TEX14: variants seen among roughly 807,000 people sequenced by gnomAD.
TEX14 encodes inactive serine/threonine-protein kinase TEX14.
In TEX14, 168 loss-of-function variants were observed where a neutral mutation model predicts 178.6. That is an observed-to-expected ratio of 0.94 (90% confidence interval 0.83 to 1.07). The LOEUF (loss-of-function observed/expected upper bound fraction) is 1.07, where lower values mean the gene tolerates loss of function less well. Among genes scored for constraint, TEX14 ranks in the 50% least tolerant of loss-of-function variants. The probability of loss-of-function intolerance (pLI) is 0.00; values close to 1 mark genes in which losing one functional copy is unlikely to be tolerated. For synonymous variants in TEX14, 626 were observed against 634.1 expected, an observed-to-expected ratio of 0.99 and a Z score of 0.19; for missense variants, 1,730 against 1,753.6, an observed-to-expected ratio of 0.99 and a Z score of 0.24.
intron 28 of TEX14, among the ~76,000 whole-genome samples, chr17:58,563,621 TTATATATATATATA>T (rs3034889): frequency 0.12 from 5,660 of 46,460 alleles, 348 homozygotes; most frequent in Non-Finnish European, 0.13. Context: ...CATCTCTAAT[TTATATATATATATA>T]TATATATATA....
intron 11 of TEX14, among the ~76,000 whole-genome samples, chr17:58,604,186 G>C (rs1398975115): frequency 6.6e-6 from 1 of 151,276 alleles, no homozygotes; most frequent in Non-Finnish European, 1.5e-5. Context: ...TAAAAAGTTT[G>C]CTTCGGCCGG....
intron 14 of TEX14, among the ~76,000 whole-genome samples, chr17:58,594,113 G>A (rs745882517): frequency 1.6e-4 from 24 of 152,158 alleles, no homozygotes; most frequent in East Asian, 3.9e-4. Flanking sequence ...GATTACAGGC[G>A]TGAGCCACTG....
intron 2 of TEX14, 65 bp from the exon 3 acceptor site, chr17:58,630,619 G>C (rs1333442528): frequency 9.1e-7 from 1 of 1,100,582 alleles, no homozygotes; most frequent in Admixed American, 1.9e-5. Flanking sequence ...ACTGGGTAGG[G>C]GGTGGGGGAA....
intron 23 of TEX14, 37 bp from the exon 24 acceptor site, chr17:58,572,163 TTTATA>T (rs770367268): frequency 1.8e-5 from 26 of 1,451,194 alleles, no homozygotes; most frequent in Non-Finnish European, 2.5e-5. Context: ...GTCTGAATCC[TTTATA>T]TTATTTCTCC....
chr17:58,644,979 T>A (rs1387429044), intron 2 of TEX14, among the ~76,000 whole-genome samples: 4 of 149,978 alleles, frequency 2.7e-5, no homozygotes, highest in Non-Finnish European at 3.0e-5. Flanking sequence ...TATTCTTTTT[T>A]TTTTCTTAAC....
At chr17:58,675,477 T>C (rs1437275734) in intron 1 of TEX14, 3 of 153,004 alleles carry the variant, frequency 2.0e-5, no homozygotes, top group African/African-American at 7.2e-5. Context: ...GTTCTAAGTG[T>C]CATCTTTTGT....
In TEX14 at chr17:58,630,489, G is replaced by C; in HGVS notation, c.202C>G (p.Leu68Val). Residue 68 changes from leucine (L) to valine (V), a missense_variant, in exon 3 of 32, where the codon CTT (leucine) becomes GTT (valine). Physicochemically the swap from Leu to Val is conservative, Grantham distance 32. Around this residue, in one of 2 missense-constraint regions of TEX14, gnomAD observed 789 missense variants for 681.2 expected, o/e 1.16. Coordinates refer to ENST00000349033, the MANE Select transcript of TEX14 (RefSeq NM_031272.5). ...ACCAGAACATCAACGAATTTCCTAA[G>C]GCCCAATAACGCCGCAACAAAAAGT... ...TALFVAALLG[L>V]RKFVDVLVDY... is the part of the protein sequence containing the mutation. 6.2e-7 allele frequency: 1 copy of C among 1,613,966 alleles called. No homozygotes were observed. The highest frequency in any genetic ancestry group is 8.5e-7 in the Non-Finnish European group (1 of 1,179,946).
At position 58,586,065 on chromosome 17, in the gene TEX14, C is replaced by T; in HGVS notation, c.2806G>A (p.Ala936Thr). 1.2e-6 allele frequency: 2 copies of T among 1,612,522 alleles called. No individual in the cohort carries two copies. Among genetic ancestry groups the T allele is most frequent in the Non-Finnish European group, 1.7e-6 (2 of 1,178,750 alleles). ...LKWKMEVKEMAKKAATGQLTV... is the reference protein window; with the variant it reads ...LKWKMEVKEMTKKAATGQLTV... ...AGCTGTCCAGTAGCTGCTTTCTTTG[C>T]CATTTCTTTCACCTCCACTGTGCAT... Residue 936 changes from alanine to threonine, a missense_variant, in exon 18 of 32, where the codon GCA becomes ACA. By Grantham distance (58) the Ala-to-Thr change is moderately conservative (BLOSUM62 0). Transcript: ENST00000349033.
intron 10 of TEX14, among the ~76,000 whole-genome samples, chr17:58,606,539 T>A (rs888617529): frequency 1.3e-5 from 2 of 152,146 alleles, no homozygotes; most frequent in Non-Finnish European, 2.9e-5. Flanking sequence ...CATGAAGTCA[T>A]GAAGGTGAAA....
intron 1 of TEX14, chr17:58,661,831 T>C (rs2047118601): frequency 8.6e-6 from 4 of 463,454 alleles, no homozygotes; most frequent in Non-Finnish European, 1.1e-5. Flanking sequence ...TTCCGTTTCC[T>C]AAAATTGTAA....
At chr17:58,607,587 C>T (rs58748514) in intron 10 of TEX14, among the ~76,000 whole-genome samples, 98 of 152,316 alleles carry the variant, frequency 6.4e-4, no homozygotes, top group African/African-American at 2.3e-3. Context: ...GTTTCCTCAA[C>T]TATATAAGGA....
rs201290253 is a variant in TEX14, at chr17:58,580,715, T to TAGC, written c.3172-987_3172-985dup. ...AAAAGATCCCAAAAAGGTGCCAGGT[T>TAGC]AGCAGGGAGGTAGGGTGGAAAATAA... On this transcript the variant is annotated intron_variant, in intron 19 of 31. Transcript: ENST00000349033. 4.9e-3 allele frequency among the ~76,000 whole-genome samples: 742 copies of TAGC among 152,290 alleles called. 7 individuals carry two copies. Among genetic ancestry groups the TAGC allele is most frequent in the African/African-American group, 0.017 (711 of 41,558 alleles).
chr17:58,662,842 G>A (rs982545646), intron 1 of TEX14, among the ~76,000 whole-genome samples: 1 of 152,090 alleles, frequency 6.6e-6, no homozygotes, highest in East Asian at 1.9e-4. Flanking sequence ...TAATGTGACC[G>A]GGCGCGGTGG....
intron 2 of TEX14, among the ~76,000 whole-genome samples, chr17:58,639,978 C>G (rs747721985): frequency 5.9e-5 from 9 of 152,108 alleles, no homozygotes; most frequent in Non-Finnish European, 1.2e-4. Context: ...GACGTCATTT[C>G]TTCCCTGAAC....
chr17:58,623,110 G>C (rs1416348506), intron 3 of TEX14, 98 bp from the exon 4 acceptor site: 1 of 1,114,354 alleles, frequency 9.0e-7, no homozygotes, highest in Non-Finnish European at 1.3e-6. Flanking sequence ...ATTCTACAAG[G>C]CAACGTTGGT....
chr17:58,635,000 C>T (rs532411377), intron 2 of TEX14, among the ~76,000 whole-genome samples: 74 of 152,008 alleles, frequency 4.9e-4, no homozygotes, highest in African/African-American at 1.7e-3. Flanking sequence ...GGCGTGGTGG[C>T]GGGCGCCTGT....
chr17:58,684,176 C>T (rs971988358), intron 1 of TEX14, among the ~76,000 whole-genome samples: 1 of 150,998 alleles, frequency 6.6e-6, no homozygotes, highest in Non-Finnish European at 1.5e-5. Context: ...AAAATGCTTC[C>T]GCCCGGCATG....
At chr17:58,679,316 CTG>C (rs2047449207) in intron 1 of TEX14, among the ~76,000 whole-genome samples, 1 of 152,152 alleles carries the variant, frequency 6.6e-6, no homozygotes, top group Admixed American at 6.6e-5. Context: ...AGGTATTCAA[CTG>C]CGTACTTCTG....
chr17:58,680,570 T>G (rs989648868), intron 1 of TEX14, among the ~76,000 whole-genome samples: 1 of 151,896 alleles, frequency 6.6e-6, no homozygotes, highest in Non-Finnish European at 1.5e-5. Flanking sequence ...GGTAAAACCC[T>G]ATCTCTAATA....
Sources: gnomAD v4.1 joint callset for allele counts (sites outside exome capture counted in the v4.1 genomes callset) on GRCh38, gnomAD v4.1.1 for gene constraint, gnomAD v4.1.1 regional missense constraint, MANE v1.5 for transcripts, NCBI Gene and HGNC (gene_info 2026-07-23, HGNC 2026-07-21) for gene names.